Variants in SYT9 observed in about 807,000 individuals in gnomAD.
The protein encoded by SYT9 is synaptotagmin 9.
Under a neutral mutation model 48.4 loss-of-function variants are expected in SYT9, and 22 were observed. The ratio of observed to expected loss-of-function variants is 0.45; its 90% CI spans 0.32 to 0.65. The LOEUF (loss-of-function observed/expected upper bound fraction) is 0.65, where lower values mean the gene tolerates loss of function less well. Among genes scored for constraint, SYT9 ranks in the 30% least tolerant of loss-of-function variants. SYT9 has a pLI of 0.03. For missense variants in SYT9, 577 were observed against 622.0 expected, an observed-to-expected ratio of 0.93 and a Z score of 0.77; for synonymous variants, 265 against 245.0, an observed-to-expected ratio of 1.08 and a Z score of -0.76.
At chr11:7,272,753 T>C (rs531306746) in intron 1 of SYT9, among the ~76,000 whole-genome samples, 1 of 152,228 alleles carries the variant, frequency 6.6e-6, no homozygotes, top group South Asian at 2.1e-4. Flanking sequence ...TTGGAGGAAG[T>C]GGTGTCAAGA....
At chr11:7,243,569 G>T (rs896597400) in intron 1 of SYT9, among the ~76,000 whole-genome samples, 5 of 152,094 alleles carry the variant, frequency 3.3e-5, no homozygotes, top group African/African-American at 9.7e-5. Context: ...ATCAAGAAAG[G>T]GATTACTAAA....
intron 3 of SYT9, among the ~76,000 whole-genome samples, chr11:7,397,008 AC>A (rs1846768211): frequency 6.6e-6 from 1 of 152,156 alleles, no homozygotes; most frequent in South Asian, 2.1e-4. Context: ...TTAATGAAGT[AC>A]AGTTTATCCA....
rs1215626424 is a variant in SYT9, at chr11:7,388,807, C to T, written c.1045-27235C>T. On this transcript the variant is annotated intron_variant, in intron 3 of 6. Coordinates refer to ENST00000318881, the MANE Select transcript of SYT9 (RefSeq NM_175733.4). ...TCATTATAGATTTCGAGTTTAATTG[C>T]GTTATGATCATTCCTCATCTGATCT... Among the ~76,000 whole-genome samples, 6 of 152,052 alleles carry T rather than the reference C, an allele frequency of 3.9e-5. No homozygotes were observed. In the South Asian group the frequency reaches 1.0e-3, roughly 26 times the overall value.
At chr11:7,369,050 A>G (rs1343411954) in intron 3 of SYT9, among the ~76,000 whole-genome samples, 1 of 152,164 alleles carries the variant, frequency 6.6e-6, no homozygotes, top group Non-Finnish European at 1.5e-5. Flanking sequence ...ACCTTGAGGA[A>G]TTGCCACCCT....
chr11:7,292,876 G>T (rs143161120), intron 1 of SYT9, among the ~76,000 whole-genome samples: 1 of 152,296 alleles, frequency 6.6e-6, no homozygotes, highest in East Asian at 1.9e-4. Context: ...GAGCAATCGA[G>T]TAAAAAGAAA....
chr11:7,375,185 C>G (rs1462915613), intron 3 of SYT9, among the ~76,000 whole-genome samples: 2 of 152,102 alleles, frequency 1.3e-5, no homozygotes, highest in African/African-American at 4.8e-5. Context: ...AATCCTTTCC[C>G]CATTACTTGC....
chr11:7,389,413 G>A (rs533977857), intron 3 of SYT9, among the ~76,000 whole-genome samples: 3 of 152,166 alleles, frequency 2.0e-5, no homozygotes, highest in African/African-American at 4.8e-5. Flanking sequence ...AATAATTCAC[G>A]AGGACTTCCA....
chr11:7,319,192 C>CTTTTTTTT (rs71056795), intron 3 of SYT9, among the ~76,000 whole-genome samples: 14 of 86,178 alleles, frequency 1.6e-4, no homozygotes, highest in African/African-American at 4.5e-4. Flanking sequence ...TCTTCTTTTT[C>CTTTTTTTT]TTTTTTTTTT....
rs556459886 is a variant in SYT9, at chr11:7,397,491, T to A, written c.1045-18551T>A. The stretch of plus-strand genomic sequence containing the variant: ...CCATTTTTTGCTTTTTCAAAATAAG[T>A]TTGAATGTTCTAGGTTCTTTGCATT... On this transcript the variant is annotated intron_variant, in intron 3 of 6. Coordinates refer to ENST00000318881, the MANE Select transcript of SYT9 (RefSeq NM_175733.4). Among the ~76,000 whole-genome samples, 17 of 152,268 alleles carry A rather than the reference T, an allele frequency of 1.1e-4. No individual in the cohort carries two copies. The South Asian group carries it at 3.5e-3, about 32-fold the overall frequency.
upstream of SYT9, among the ~76,000 whole-genome samples, chr11:7,247,281 T>A (rs1168702233): frequency 6.6e-6 from 1 of 151,882 alleles, no homozygotes; most frequent in African/African-American, 2.4e-5. Context: ...GTCCCCAAAG[T>A]CCATTGTGTC....
At chr11:7,272,938 G>A (rs940461415) in intron 1 of SYT9, among the ~76,000 whole-genome samples, 1 of 152,182 alleles carries the variant, frequency 6.6e-6, no homozygotes, top group Non-Finnish European at 1.5e-5. Context: ...AGTTGAATTT[G>A]GAAGTTAGAG....
At chr11:7,466,460 C>A (rs1193176659) in intron 6 of SYT9, among the ~76,000 whole-genome samples, 1 of 152,138 alleles carries the variant, frequency 6.6e-6, no homozygotes, top group Non-Finnish European at 1.5e-5. Flanking sequence ...CAGTGACTCA[C>A]GCCTGTAATC....
chr11:7,287,261 G>A (rs1044767559), intron 1 of SYT9, among the ~76,000 whole-genome samples: 2 of 152,026 alleles, frequency 1.3e-5, no homozygotes, highest in Non-Finnish European at 2.9e-5. Flanking sequence ...TAAAACCATC[G>A]GATCTCTTGA....
intron 6 of SYT9, chr11:7,438,499 C>T (rs989088607): frequency 9.8e-5 from 15 of 152,570 alleles, no homozygotes; most frequent in African/African-American, 3.4e-4. Flanking sequence ...TATCACCTTT[C>T]CCAACTACCA....
intron 1 of SYT9, among the ~76,000 whole-genome samples, chr11:7,285,549 T>C (rs1022145964): frequency 6.6e-6 from 1 of 152,138 alleles, no homozygotes; most frequent in Admixed American, 6.5e-5. Context: ...ATTCCAACCC[T>C]GGCCCCTCCC....
chr11:7,252,943 G>C lies in SYT9; in HGVS notation c.145+612G>C, dbSNP rs1014254892. ...GTCGCACGGCATGGAGGTGGCCTGGGCCTGGGCGCTAGGCTCGACCAGCGA... is the reference window on the plus strand; with the variant it reads ...GTCGCACGGCATGGAGGTGGCCTGGCCCTGGGCGCTAGGCTCGACCAGCGA... On this transcript the variant is annotated intron_variant, in intron 1 of 6. Coordinates refer to ENST00000318881, the MANE Select transcript of SYT9 (RefSeq NM_175733.4). The surrounding 1 kb of genome is among the most constrained non-coding windows in gnomAD (Gnocchi z 6.3). Among the ~76,000 whole-genome samples, 2 of 152,242 alleles carry C rather than the reference G, an allele frequency of 1.3e-5. No individual in the cohort carries two copies. Among genetic ancestry groups the C allele is most frequent in the Non-Finnish European group, 2.9e-5 (2 of 68,040 alleles).
intron 6 of SYT9, among the ~76,000 whole-genome samples, chr11:7,431,133 G>T (rs113887814): frequency 6.6e-6 from 1 of 152,214 alleles, no homozygotes; most frequent in Non-Finnish European, 1.5e-5. Context: ...TAGTAATATG[G>T]ACAGTGAAGT....
chr11:7,310,306 G>T (rs183969707), intron 2 of SYT9, among the ~76,000 whole-genome samples: 1 of 146,308 alleles, frequency 6.8e-6, no homozygotes, highest in African/African-American at 2.5e-5. Flanking sequence ...GCTAATTTTT[G>T]TATCTCTAGT....
At chr11:7,317,180 A>G (rs1192206334) in intron 3 of SYT9, among the ~76,000 whole-genome samples, 1 of 152,128 alleles carries the variant, frequency 6.6e-6, no homozygotes, top group Admixed American at 6.5e-5. Context: ...TCCTTACCCT[A>G]TGTCAGGAAA....
Sources: gnomAD v4.1 joint callset for allele counts (sites outside exome capture counted in the v4.1 genomes callset) on GRCh38, gnomAD v4.1.1 for gene constraint, Gnocchi (gnomAD v3.1) non-coding constraint, MANE v1.5 for transcripts, NCBI Gene and HGNC (gene_info 2026-07-23, HGNC 2026-07-21) for gene names.